ENPP6: variants seen among roughly 807,000 people sequenced by gnomAD.
ENPP6 encodes the protein glycerophosphocholine cholinephosphodiesterase ENPP6.
Under a neutral mutation model 42.0 loss-of-function variants are expected in ENPP6, and 32 were observed. The ratio of observed to expected loss-of-function variants is 0.76; its 90% CI spans 0.58 to 1.02. ENPP6 has a LOEUF of 1.02. ENPP6 is among the 50% of genes least tolerant of loss of function. The probability of loss-of-function intolerance (pLI) is 0.00; values close to 1 mark genes in which losing one functional copy is unlikely to be tolerated. For synonymous variants in ENPP6, 213 were observed against 216.0 expected (o/e 0.99, Z 0.12); for missense variants, 552 against 566.8 (o/e 0.97, Z 0.27).
At position 184,095,664 on chromosome 4, in the gene ENPP6, A is replaced by AT. The variant is rs1184025708; in HGVS notation, c.1117+1580_1117+1581insA. ...GACAAGAAACTGTCTCAAAAAAAAA[A>AT]AATATATCTATATATATATATAGAT... On this transcript the variant is annotated intron_variant, in intron 7 of 7. Coordinates refer to ENST00000296741, the MANE Select transcript of ENPP6 (RefSeq NM_153343.4). Among the ~76,000 whole-genome samples the AT allele has an allele frequency of 3.1e-3, 456 of 146,010 alleles. 4 individuals carry two copies. The highest frequency in any genetic ancestry group is 0.012 in the African/African-American group (443 of 36,272).
chr4:184,115,058 T>A (rs1224242795), intron 5 of ENPP6, among the ~76,000 whole-genome samples: 1 of 152,088 alleles, frequency 6.6e-6, no homozygotes, highest in Admixed American at 6.5e-5. Context: ...CTTAAGGAAA[T>A]CCGGAGTTCT....
In ENPP6 at chr4:184,123,563, C is replaced by T. The variant is rs138119024; in HGVS notation, c.533+598G>A. Among the ~76,000 whole-genome samples the T allele has an allele frequency of 1.2e-3, 179 of 152,306 alleles. 3 individuals carry two copies. In the East Asian group the frequency reaches 0.014, roughly 12 times the overall value. The stretch of plus-strand genomic sequence containing the variant: ...TGGGCTCCCATCTTGACTTCCACTT[C>T]CAGAGATTTCTGAGACTGACTTCAG... On this transcript the variant is annotated intron_variant, in intron 3 of 7. Coordinates refer to ENST00000296741, the MANE Select transcript of ENPP6 (RefSeq NM_153343.4).
chr4:184,168,708 A>G (rs947993944), intron 1 of ENPP6, among the ~76,000 whole-genome samples: 2 of 152,166 alleles, frequency 1.3e-5, no homozygotes, highest in Non-Finnish European at 2.9e-5. Context: ...CCCGGTTTGA[A>G]GGCCACCCCC....
chr4:184,197,845 C>A (rs1732828077), intron 1 of ENPP6, among the ~76,000 whole-genome samples: 1 of 152,176 alleles, frequency 6.6e-6, no homozygotes, highest in Non-Finnish European at 1.5e-5. Flanking sequence ...GGCCAGCCAG[C>A]TAAGCTGCAG....
rs1422576230 is a variant in ENPP6 at position 184,131,186 on chromosome 4, TTTC to T, written c.422-6917_422-6915del. ...CTTTCTTTCTTTCTTTCTTTCTTTCTTTCTTTCTTTCTTTCTTCTTTCTTTCTT... is the reference window on the plus strand; with the variant it reads ...CTTTCTTTCTTTCTTTCTTTCTTTCTTTTCTTTCTTTCTTCTTTCTTTCTT... On this transcript the variant is annotated intron_variant, in intron 2 of 7. Transcript: ENST00000296741. Among the ~76,000 whole-genome samples the T allele has an allele frequency of 9.8e-5, 6 of 61,486 alleles. 1 individual carries two copies. Among genetic ancestry groups the T allele is most frequent in the African/African-American group, 4.5e-4 (6 of 13,224 alleles). The allele number at this position is 61,486 out of a possible 152,430, so 40.3% of individuals were successfully genotyped here.
At chr4:184,118,581 G>A (rs951362923) in intron 3 of ENPP6, among the ~76,000 whole-genome samples, 2 of 152,196 alleles carry the variant, frequency 1.3e-5, no homozygotes, top group African/African-American at 4.8e-5. Flanking sequence ...GTGATTCAGG[G>A]ATTATACACA....
intron 1 of ENPP6, among the ~76,000 whole-genome samples, chr4:184,177,482 C>T (rs1011581264): frequency 6.6e-6 from 1 of 152,192 alleles, no homozygotes; most frequent in African/African-American, 2.4e-5. Context: ...GGATTCCTTC[C>T]AGCACAGTGC....
chr4:184,113,031 A>G (rs2111342307), intron 5 of ENPP6, among the ~76,000 whole-genome samples: 1 of 152,322 alleles, frequency 6.6e-6, no homozygotes, highest in Middle Eastern at 3.4e-3. Flanking sequence ...CTCACCTAAG[A>G]AGTTGACTCT....
chr4:184,164,475 G>C (rs1737318208), intron 1 of ENPP6, among the ~76,000 whole-genome samples: 1 of 152,174 alleles, frequency 6.6e-6, no homozygotes, highest in African/African-American at 2.4e-5. Flanking sequence ...TATAAAAACG[G>C]GAAATGTGGA....
At chr4:184,132,616 A>C (rs1370452823) in intron 2 of ENPP6, among the ~76,000 whole-genome samples, 1 of 152,002 alleles carries the variant, frequency 6.6e-6, no homozygotes, top group Non-Finnish European at 1.5e-5. Context: ...AGTCATGAAG[A>C]TATTCACCTA....
intron 3 of ENPP6, 149 bp downstream of exon 3, chr4:184,124,012 T>C: frequency 3.7e-6 from 2 of 536,548 alleles, no homozygotes; most frequent in Non-Finnish European, 6.5e-6. Context: ...AATTACTCCC[T>C]ACTAGCAGTT....
chr4:184,202,281 A>G (rs968749702), intron 1 of ENPP6, among the ~76,000 whole-genome samples: 2 of 152,226 alleles, frequency 1.3e-5, no homozygotes, highest in African/African-American at 2.4e-5. Context: ...AAGATCTTGC[A>G]GCTGTGGCAT....
Position 184,116,872 on chromosome 4 carries a change from G to T in ENPP6, c.839C>A (p.Pro280His), listed in dbSNP as rs772703160. 5.6e-6 allele frequency: 9 copies of T among 1,613,490 alleles called. No homozygotes were observed. The highest frequency in any genetic ancestry group is 5.5e-5 in the South Asian group (5 of 91,050). ...RGPVVSLWPA[P>H]GKHSEIYNKL... is the part of the protein sequence containing the mutation. The stretch of plus-strand genomic sequence containing the variant: ...CTGTCTTGCCTCAGAGTGTTTCCCA[G>T]GGGCCGGCCAAAGGCTCACAACAGG... The change falls in exon 5 of 8, where the codon CCT (proline) becomes CAT (histidine). Residue 280 changes from proline (P) to histidine (H), a missense_variant. By Grantham distance (77) the Pro-to-His change is moderately conservative. Around this residue, in one of 2 missense-constraint regions of ENPP6, gnomAD observed 545 missense variants for 546.3 expected, o/e 1.00. Transcript: ENST00000296741.
chr4:184,164,916 C>A (rs750683926), intron 1 of ENPP6, among the ~76,000 whole-genome samples: 1 of 152,210 alleles, frequency 6.6e-6, no homozygotes, highest in Non-Finnish European at 1.5e-5. Context: ...AATCTACTAA[C>A]ACTTGTGCAA....
At chr4:184,142,000 C>T (rs1736831639) in intron 2 of ENPP6, among the ~76,000 whole-genome samples, 1 of 152,198 alleles carries the variant, frequency 6.6e-6, no homozygotes, top group African/African-American at 2.4e-5. Context: ...CATCGTACCT[C>T]AAACCCCTTC....
chr4:184,092,890 AC>A (rs1056573067), intron 7 of ENPP6, among the ~76,000 whole-genome samples: 5 of 152,248 alleles, frequency 3.3e-5, no homozygotes, highest in Non-Finnish European at 7.3e-5. Flanking sequence ...TAAAAAGCAA[AC>A]AAACAACAAC....
chr4:184,109,510 C>A (rs547582468), intron 6 of ENPP6, among the ~76,000 whole-genome samples: 46 of 152,298 alleles, frequency 3.0e-4, no homozygotes, highest in Non-Finnish European at 5.4e-4. Flanking sequence ...ATGAATTTCG[C>A]AGCCCTTATC....
chr4:184,153,450 C>A, intron 2 of ENPP6, 104 bp downstream of exon 2: 1 of 1,313,820 alleles, frequency 7.6e-7, no homozygotes, highest in Non-Finnish European at 1.0e-6. Flanking sequence ...ATAAAGATCC[C>A]ATTTTCCAAA....
At chr4:184,190,309 C>T (rs1423392570) in intron 1 of ENPP6, among the ~76,000 whole-genome samples, 8 of 152,206 alleles carry the variant, frequency 5.3e-5, no homozygotes, top group Admixed American at 5.2e-4. Context: ...CAATATTTGA[C>T]AGAGTTTGCA....
Sources: gnomAD v4.1 joint callset for allele counts (sites outside exome capture counted in the v4.1 genomes callset) on GRCh38, gnomAD v4.1.1 for gene constraint, gnomAD v4.1.1 regional missense constraint, MANE v1.5 for transcripts, NCBI Gene and HGNC (gene_info 2026-07-23, HGNC 2026-07-21) for gene names.